Variants in PDCD11 observed in about 807,000 individuals in gnomAD.
PDCD11 encodes programmed cell death 11, also known as protein RRP5 homolog.
A neutral mutation model predicts 198.9 loss-of-function variants in PDCD11; 97 were observed. The observed-to-expected ratio is 0.49, with a 90% CI of 0.41 to 0.58. The LOEUF is 0.58. PDCD11 is among the 20% of genes least tolerant of loss of function. PDCD11 has a pLI of 0.00. For synonymous variants in PDCD11, 893 were observed against 918.0 expected (o/e 0.97, Z 0.49); for missense variants, 2,102 against 2,312.7 (o/e 0.91, Z 1.87).
In PDCD11 at chr10:103,432,176, C is replaced by T. The variant is rs375322802; in HGVS notation, c.3416C>T (p.Pro1139Leu). 18 of 1,614,084 alleles carry T rather than the reference C, an allele frequency of 1.1e-5. No homozygotes were observed. The highest frequency in any genetic ancestry group is 1.6e-4 in the Middle Eastern group (1 of 6,062). ...GCTCTTAACACTCACTCTGTTAGCC[C>T]CATGGAGAAGATTAAACAGTACCAG... is the stretch of plus-strand genomic sequence containing the variant. ...HTALNTHSVS[P>L]MEKIKQYQAG... Residue 1139 changes from proline (P) to leucine (L), a missense_variant, in exon 22 of 36, where the codon CCC becomes CTC. By Grantham distance (98) the Pro-to-Leu change is moderately conservative. Coordinates refer to ENST00000369797, the MANE Select transcript of PDCD11 (RefSeq NM_014976.2).
At position 103,444,634 on chromosome 10, in the gene PDCD11, C is replaced by A; in HGVS notation, c.5396C>A (p.Ser1799Ter). ...STYPKRTDVW[S>*]VYIDMTIKHG... Reference sequence around the variant, plus strand: ...TACCCAAAGCGCACAGATGTCTGGTCGGTCTATATCGACATGACCATCAAG... The same window carrying A: ...TACCCAAAGCGCACAGATGTCTGGTAGGTCTATATCGACATGACCATCAAG... Residue 1799 changes from serine (S) to a stop codon, truncating the protein, a stop_gained, in exon 35 of 36, where the codon TCG becomes TAG. Transcript: ENST00000369797. LOFTEE classifies it high-confidence loss of function. The A allele has an allele frequency of 6.2e-7, 1 of 1,614,116 alleles. No individual in the cohort carries two copies. The highest frequency in any genetic ancestry group is 8.5e-7 in the Non-Finnish European group (1 of 1,180,032).
intron 15 of PDCD11, 127 bp downstream of exon 15, chr10:103,418,761 G>A: frequency 1.3e-6 from 1 of 759,366 alleles, no homozygotes; most frequent in Non-Finnish European, 2.1e-6. Flanking sequence ...AACCAGTGAT[G>A]AAGCCTGTGC....
At chr10:103,404,902 C>T (rs2030353039) in intron 4 of PDCD11, 120 bp from the exon 5 acceptor site, 3 of 844,658 alleles carry the variant, frequency 3.6e-6, no homozygotes, top group Non-Finnish European at 1.8e-6. Context: ...GGTTATTCCT[C>T]ACCCACCTTT....
Position 103,415,020 on chromosome 10 carries a change from A to C in PDCD11, c.1387A>C (p.Ile463Leu), listed in dbSNP as rs748974928. ...GATTCTCTAGGGCACAGTGCTAACC[A>C]TAAAGTCATATGGGATGCTGGTGAA... ...GAVVKGTVLT[I>L]KSYGMLVKVG... The change falls in exon 12 of 36, where the codon ATA becomes CTA. Residue 463 changes from isoleucine (I) to leucine (L), a missense_variant. Physicochemically the swap from Ile to Leu is conservative, Grantham distance 5 (BLOSUM62 2). Transcript: ENST00000369797. 6 of 1,614,158 alleles carry C rather than the reference A, an allele frequency of 3.7e-6. No homozygotes were observed. Among genetic ancestry groups the C allele is most frequent in the African/African-American group, 2.7e-5 (2 of 75,026 alleles).
chr10:103,417,829 AAG>A lies in PDCD11; in HGVS notation c.1813_1814del (p.Arg605AspfsTer10). ...GTCGTATTGAACTGTGAGCCATCCA[AAG>A]AGAGGATGCTCTTATCCTTCAAGCT... On this transcript the variant is annotated frameshift_variant, in exon 14 of 36. Transcript: ENST00000369797. LOFTEE classifies it high-confidence loss of function. The A allele has an allele frequency of 6.2e-7, 1 of 1,614,162 alleles. No individual in the cohort carries two copies. Among genetic ancestry groups the A allele is most frequent in the Non-Finnish European group, 8.5e-7 (1 of 1,180,036 alleles).
chr10:103,423,260 C>A, intron 18 of PDCD11, 123 bp downstream of exon 18: 1 of 1,013,652 alleles, frequency 9.9e-7, no homozygotes, highest in Non-Finnish European at 1.4e-6. Flanking sequence ...AGATTTTTGG[C>A]ATGCCTATCT....
At chr10:103,397,953 C>A (rs1472877829) in intron 1 of PDCD11, among the ~76,000 whole-genome samples, 1 of 152,224 alleles carries the variant, frequency 6.6e-6, no homozygotes, top group Non-Finnish European at 1.5e-5. Flanking sequence ...AAAAGATCTT[C>A]TTTATGAAGC....
rs772942665 is a variant in PDCD11 at position 103,423,658 on chromosome 10, G to A, written c.2763G>A (p.Lys921=). The A allele has an allele frequency of 6.3e-6, 10 of 1,591,546 alleles. No individual in the cohort carries two copies. Among genetic ancestry groups the A allele is most frequent in the Non-Finnish European group, 8.6e-6 (10 of 1,159,430 alleles). Residue 921 remains lysine, a splice_region_variant and synonymous_variant, in exon 19 of 36, where the codon AAG becomes AAA. Transcript: ENST00000369797. Reference sequence around the variant, plus strand: ...ACTTGGTGAATAGAAAAGCTAGAAAGGTAAGCTTGCTCCTGACTTCCATTT... The same window carrying A: ...ACTTGGTGAATAGAAAAGCTAGAAAAGTAAGCTTGCTCCTGACTTCCATTT... ...HQDLVNRKAR[K]LRKGSEHQAI...
rs1274648476 is a variant in PDCD11 at position 103,445,361 on chromosome 10, C to T, written c.5445-17C>T. On this transcript the variant is annotated splice_polypyrimidine_tract_variant and intron_variant, in intron 35 of 35. Coordinates refer to ENST00000369797, the MANE Select transcript of PDCD11 (RefSeq NM_014976.2). ...CTGGGACTGACAGGCAAATGCCACT[C>T]TGCTTTTCCTCAACAGGGACATCTT... 6.2e-7 allele frequency: 1 copy of T among 1,613,712 alleles called. No homozygotes were observed. The highest frequency in any genetic ancestry group is 1.7e-5 in the Admixed American group (1 of 60,022).
At chr10:103,444,474 G>C in intron 34 of PDCD11, 43 bp from the exon 35 acceptor site, 1 of 1,583,646 alleles carries the variant, frequency 6.3e-7, no homozygotes, top group Non-Finnish European at 8.7e-7. Flanking sequence ...GTGGTGAGGG[G>C]GCTGTCTGCT....
intron 26 of PDCD11, 92 bp from the exon 27 acceptor site, chr10:103,438,594 T>C: frequency 6.6e-7 from 1 of 1,525,468 alleles, no homozygotes; most frequent in South Asian, 1.2e-5. Flanking sequence ...AGTCATATTC[T>C]TATTTACTAA....
At chr10:103,404,926 G>A in intron 4 of PDCD11, 96 bp from the exon 5 acceptor site, 6 of 1,165,364 alleles carry the variant, frequency 5.1e-6, no homozygotes, top group East Asian at 5.2e-5. Context: ...GTTCTCTGGG[G>A]TCTGAGGATG....
At chr10:103,410,902 C>T (rs1195428267) in intron 8 of PDCD11, among the ~76,000 whole-genome samples, 4 of 151,534 alleles carry the variant, frequency 2.6e-5, no homozygotes, top group Non-Finnish European at 4.4e-5. Context: ...GGTGAAACCC[C>T]GTCTCTACTA....
At position 103,423,672 on chromosome 10, in the gene PDCD11, T is replaced by G; in HGVS notation, c.2763+14T>G. 6.5e-7 allele frequency: 1 copy of G among 1,526,958 alleles called. No homozygotes were observed. Among genetic ancestry groups the G allele is most frequent in the Non-Finnish European group, 9.1e-7 (1 of 1,100,482 alleles). The allele number at this position is 1,526,958 out of a possible 1,614,324, so 94.6% of individuals were successfully genotyped here. A position where few individuals can be genotyped will look rare whatever the true frequency, so the allele number is the denominator to read the frequency against. On this transcript the variant is annotated intron_variant, in intron 19 of 35. Coordinates refer to ENST00000369797, the MANE Select transcript of PDCD11 (RefSeq NM_014976.2). ...AAAGCTAGAAAGGTAAGCTTGCTCC[T>G]GACTTCCATTTCCATGGTTTCACAT...
At chr10:103,424,922 G>T in intron 19 of PDCD11, 62 bp from the exon 20 acceptor site, 2 of 1,572,704 alleles carry the variant, frequency 1.3e-6, no homozygotes, top group Non-Finnish European at 1.7e-6. Flanking sequence ...GCCCAGTGGG[G>T]CCATGAGTGA....
At position 103,414,103 on chromosome 10, in the gene PDCD11, T is replaced by C; in HGVS notation, c.1310+13T>C. 1.2e-6 allele frequency: 2 copies of C among 1,607,834 alleles called. No individual in the cohort carries two copies. The highest frequency in any genetic ancestry group is 1.7e-6 in the Non-Finnish European group (2 of 1,176,626). ...TCTCTCTACGAACGTAAGTCTGTCA[T>C]TAACAGGTAGGGGTGTAGAGATGTG... On this transcript the variant is annotated intron_variant, in intron 10 of 35. Transcript: ENST00000369797.
At chr10:103,408,117 C>G (rs2030571971) in intron 7 of PDCD11, among the ~76,000 whole-genome samples, 2 of 152,052 alleles carry the variant, frequency 1.3e-5, no homozygotes, top group Admixed American at 6.6e-5. Flanking sequence ...TTTCCTATAC[C>G]TTCAACTTAT....
chr10:103,418,298 G>A, intron 14 of PDCD11, 142 bp from the exon 15 acceptor site: 1 of 670,960 alleles, frequency 1.5e-6, no homozygotes. Context: ...GGTGGTTGGG[G>A]TGGTGGGTGG....
intron 13 of PDCD11, among the ~76,000 whole-genome samples, chr10:103,417,400 T>TG (rs1274527238): frequency 6.6e-6 from 1 of 152,130 alleles, no homozygotes; most frequent in Non-Finnish European, 1.5e-5. Flanking sequence ...TCGAACTCCC[T>TG]GGCTTCAAGT....
Sources: gnomAD v4.1 joint callset for allele counts (sites outside exome capture counted in the v4.1 genomes callset) on GRCh38, gnomAD v4.1.1 for gene constraint, MANE v1.5 for transcripts, NCBI Gene and HGNC (gene_info 2026-07-23, HGNC 2026-07-21) for gene names.